Variants in NEXMIF observed in about 807,000 individuals in gnomAD.
The protein encoded by NEXMIF is XLMR protein related to neurite extension.
In NEXMIF, 8 loss-of-function variants were observed where a neutral mutation model predicts 62.1. The observed-to-expected ratio is 0.13, with a 90% CI of 0.08 to 0.23. The LOEUF (loss-of-function observed/expected upper bound fraction) is 0.23. Among genes scored for constraint, NEXMIF ranks in the 10% least tolerant of loss-of-function variants. The probability of loss-of-function intolerance (pLI) is 1.00; values close to 1 mark genes in which losing one functional copy is unlikely to be tolerated. For missense variants in NEXMIF, 976 were observed against 1,113.3 expected (o/e 0.88, Z 1.75); for synonymous variants, 404 against 416.6 (o/e 0.97, Z 0.37).
chrX:74,855,221 C>T (rs1482086710), intron 1 of NEXMIF, among the ~76,000 whole-genome samples: 2 of 111,746 alleles, frequency 1.8e-5, no homozygotes, highest in African/African-American at 3.3e-5. Context: ...AACAGACACA[C>T]AGATAAATGA....
intron 1 of NEXMIF, among the ~76,000 whole-genome samples, chrX:74,781,472 G>C (rs2080246608): frequency 9.3e-6 from 1 of 107,973 alleles, no homozygotes; most frequent in Admixed American, 1.0e-4. Flanking sequence ...GAAGCCTTAG[G>C]TTTCCTTAGG....
At chrX:74,784,612 TTA>T (rs35688273) in intron 1 of NEXMIF, among the ~76,000 whole-genome samples, 75 of 106,350 alleles carry the variant, frequency 7.1e-4, no homozygotes, top group African/African-American at 1.6e-3. Context: ...ATGCAATATT[TTA>T]TATATATATA....
chrX:74,917,328 T>C (rs2080810843), intron 1 of NEXMIF, among the ~76,000 whole-genome samples: 1 of 111,952 alleles, frequency 8.9e-6, no homozygotes, highest in Admixed American at 9.5e-5. Flanking sequence ...TCTGCCATAA[T>C]TGAAAGTTTC....
At chrX:74,747,330 A>C (rs1158239962) in intron 1 of NEXMIF, among the ~76,000 whole-genome samples, 6 of 111,628 alleles carry the variant, frequency 5.4e-5, no homozygotes, top group Non-Finnish European at 7.5e-5. Context: ...AGAGACTATG[A>C]CAGCCAAGGT....
intron 1 of NEXMIF, among the ~76,000 whole-genome samples, chrX:74,923,646 G>A (rs1325785987): frequency 1.8e-5 from 2 of 111,787 alleles, no homozygotes; most frequent in Admixed American, 1.9e-4. Context: ...GTTCAGAGAA[G>A]ACCATTACAG....
intron 1 of NEXMIF, among the ~76,000 whole-genome samples, chrX:74,785,659 T>A (rs1157834641): frequency 8.9e-6 from 1 of 112,374 alleles, no homozygotes; most frequent in Non-Finnish European, 1.9e-5. Context: ...GGCATTCTGC[T>A]TAGTCTCTGA....
chrX:74,888,744 A>G, intron 1 of NEXMIF, among the ~76,000 whole-genome samples: 1 of 112,257 alleles, frequency 8.9e-6, no homozygotes, highest in Admixed American at 9.5e-5. Context: ...AACATTTTCA[A>G]GTTTTAGCGA....
chrX:74,803,763 GA>G (rs34025894), intron 1 of NEXMIF, among the ~76,000 whole-genome samples: 59,634 of 103,769 alleles, frequency 0.57, 15,784 homozygotes, highest in Non-Finnish European at 0.8. Context: ...AGTGCTGAAG[GA>G]AAAAAAAAAC....
chrX:74,851,146 T>A lies in NEXMIF; in HGVS notation c.-48+73737A>T, dbSNP rs945323843. On this transcript the variant is annotated intron_variant, in intron 1 of 3. Coordinates refer to ENST00000055682, the MANE Select transcript of NEXMIF (RefSeq NM_001008537.3). ...AAAAATTTCAGGACTTGACGACAGG[T>A]CTTTTGAAATCACCCAGTCAGTCAA... Among the ~76,000 whole-genome samples the A allele has an allele frequency of 2.7e-5, 3 of 110,466 alleles. No individual in the cohort carries two copies. The Admixed American group carries it at 2.9e-4, about 11-fold the overall frequency.
intron 1 of NEXMIF, among the ~76,000 whole-genome samples, chrX:74,889,576 T>C (rs927251786): frequency 9.0e-6 from 1 of 111,386 alleles, no homozygotes; most frequent in Admixed American, 9.6e-5. Flanking sequence ...TTCTAAGTGG[T>C]TCATGGTTGC....
At chrX:74,904,293 T>C (rs1052061930) in intron 1 of NEXMIF, among the ~76,000 whole-genome samples, 1 of 111,834 alleles carries the variant, frequency 8.9e-6, no homozygotes, top group Non-Finnish European at 1.9e-5. Flanking sequence ...CTTATTGTTA[T>C]TGTTGTTTTG....
chrX:74,791,715 T>C (rs1215005778), intron 1 of NEXMIF, among the ~76,000 whole-genome samples: 4 of 110,227 alleles, frequency 3.6e-5, no homozygotes, highest in Admixed American at 1.9e-4. Flanking sequence ...GGAGAGTGTA[T>C]GTGACGAGGA....
intron 1 of NEXMIF, among the ~76,000 whole-genome samples, chrX:74,843,932 C>T (rs189123938): frequency 9.8e-5 from 11 of 111,861 alleles, no homozygotes; most frequent in Admixed American, 4.7e-4. Context: ...CCTTTCCTTT[C>T]GATATTTAGT....
At chrX:74,823,654 A>T (rs1460153247) in intron 1 of NEXMIF, among the ~76,000 whole-genome samples, 1 of 109,059 alleles carries the variant, frequency 9.2e-6, no homozygotes, top group African/African-American at 3.3e-5. Context: ...CTTCAGAAAA[A>T]AAAGGAGAGA....
intron 1 of NEXMIF, among the ~76,000 whole-genome samples, chrX:74,843,666 A>T (rs546863670): frequency 9.0e-6 from 1 of 111,596 alleles, no homozygotes; most frequent in African/African-American, 3.3e-5. Flanking sequence ...CGCCTGCCTC[A>T]GCCTCCCAAA....
chrX:74,922,069 G>A (rs992650982), intron 1 of NEXMIF, among the ~76,000 whole-genome samples: 5 of 111,435 alleles, frequency 4.5e-5, no homozygotes, highest in Admixed American at 1.9e-4. Flanking sequence ...CACTATGGTG[G>A]TCCGTGAGAC....
intron 1 of NEXMIF, among the ~76,000 whole-genome samples, chrX:74,894,929 C>T (rs761307529): frequency 1.0e-3 from 116 of 111,976 alleles, no homozygotes; most frequent in Non-Finnish European, 1.8e-3. Context: ...ACAAGGATGC[C>T]CACTGTCATC....
At chrX:74,788,641 T>A (rs2080267927) in intron 1 of NEXMIF, among the ~76,000 whole-genome samples, 1 of 111,344 alleles carries the variant, frequency 9.0e-6, no homozygotes, top group South Asian at 3.8e-4. Flanking sequence ...CAAAACTCAT[T>A]ATCTAACCTA....
chrX:74,848,940 A>G (rs992058738), intron 1 of NEXMIF, among the ~76,000 whole-genome samples: 5 of 112,073 alleles, frequency 4.5e-5, no homozygotes, highest in Admixed American at 1.9e-4. Flanking sequence ...CAGACACCGA[A>G]TCTACTGATT....
Sources: allele counts gnomAD v4.1 joint callset (sites outside exome capture counted in the v4.1 genomes callset), GRCh38; gene constraint gnomAD v4.1.1; transcripts MANE v1.5; gene names NCBI Gene and HGNC (gene_info 2026-07-23, HGNC 2026-07-21).